GFRA1: variants seen among roughly 807,000 people sequenced by gnomAD.
The protein encoded by GFRA1 is GDNF family receptor alpha 1.
In GFRA1, 16 loss-of-function variants were observed where a neutral mutation model predicts 51.6. The ratio of observed to expected loss-of-function variants is 0.31; its 90% confidence interval spans 0.21 to 0.47. The LOEUF is 0.47. Among genes scored for constraint, GFRA1 ranks in the 20% least tolerant of loss-of-function variants. The probability of loss-of-function intolerance (pLI) is 1.00; values close to 1 mark genes in which losing one functional copy is unlikely to be tolerated. For synonymous variants in GFRA1, 270 were observed against 241.3 expected (o/e 1.12, Z -1.10); for missense variants, 530 against 594.3 (o/e 0.89, Z 1.13).
chr10:116,064,836 CCT>C (rs1299660905), intron 10 of GFRA1, among the ~76,000 whole-genome samples: 1 of 152,142 alleles, frequency 6.6e-6, no homozygotes, highest in African/African-American at 2.4e-5. Flanking sequence ...TTCAGGTACC[CCT>C]GTCATTCTTT....
intron 5 of GFRA1, among the ~76,000 whole-genome samples, chr10:116,187,911 C>A (rs908365693): frequency 6.6e-6 from 1 of 152,126 alleles, no homozygotes; most frequent in Non-Finnish European, 1.5e-5. Context: ...GCATTCTTCA[C>A]CCCTCCCCAC....
chr10:116,228,088 G>A (rs2134543297), intron 4 of GFRA1, among the ~76,000 whole-genome samples: 1 of 152,282 alleles, frequency 6.6e-6, no homozygotes, highest in East Asian at 1.9e-4. Context: ...AGAACTGGCT[G>A]GAACATGGCT....
At chr10:116,273,040 T>G (rs1844075458) in intron 1 of GFRA1, 123 bp downstream of exon 1, 1 of 151,168 alleles carries the variant, frequency 6.6e-6, no homozygotes, top group African/African-American at 2.4e-5. Context: ...GGCCCTAAAG[T>G]TGGGAGACGC....
rs556151505 is a variant in GFRA1, at chr10:116,225,375, A to G, written c.419-13730T>C. ...CAAGGTGAAACACTGTCTCTACTAA[A>G]AACACAAAAATTAGCTGGGTGTGGT... On this transcript the variant is annotated intron_variant, in intron 4 of 10. Transcript: ENST00000355422. Among the ~76,000 whole-genome samples, 120 of 151,588 alleles carry G rather than the reference A, an allele frequency of 7.9e-4. 1 individual carries two copies. The highest frequency in any genetic ancestry group is 1.2e-3 in the Non-Finnish European group (81 of 67,892).
chr10:116,099,965 C>T (rs895818552), intron 6 of GFRA1, among the ~76,000 whole-genome samples: 12 of 152,098 alleles, frequency 7.9e-5, no homozygotes, highest in African/African-American at 2.9e-4. Flanking sequence ...GAAACCAAGG[C>T]TTAGTGAGGT....
At chr10:116,132,197 G>T (rs756895148) in intron 5 of GFRA1, among the ~76,000 whole-genome samples, 1 of 152,086 alleles carries the variant, frequency 6.6e-6, no homozygotes, top group Non-Finnish European at 1.5e-5. Flanking sequence ...TGACAAGAGC[G>T]AAAGTGTGTC....
chr10:116,271,234 CTCTGGGAGCGG>C, intron 2 of GFRA1, 119 bp from the exon 3 acceptor site: 1 of 764,102 alleles, frequency 1.3e-6, no homozygotes. Context: ...GGGCGCCCTG[CTCTGGGAGCGG>C]GTCCACCTCT....
chr10:116,109,188 T>C (rs1227470734), intron 6 of GFRA1, among the ~76,000 whole-genome samples: 2 of 152,142 alleles, frequency 1.3e-5, no homozygotes, highest in African/African-American at 4.8e-5. Flanking sequence ...CCCAAAGTCA[T>C]GGAGCAGGCC....
intron 4 of GFRA1, among the ~76,000 whole-genome samples, chr10:116,267,949 A>G (rs1331398929): frequency 3.1e-5 from 3 of 97,404 alleles, no homozygotes; most frequent in African/African-American, 9.4e-5. Context: ...TAACACACAC[A>G]CACACACACA....
chr10:116,170,557 C>G (rs1198099721), intron 5 of GFRA1, among the ~76,000 whole-genome samples: 2 of 152,040 alleles, frequency 1.3e-5, no homozygotes, highest in Non-Finnish European at 2.9e-5. Context: ...CTCCATTTTC[C>G]CCTCTAAGCA....
chr10:116,232,088 C>A (rs114580587), intron 4 of GFRA1, among the ~76,000 whole-genome samples: 2,406 of 152,292 alleles, frequency 0.016, 74 homozygotes, highest in African/African-American at 0.056. Flanking sequence ...AACAAAAAAT[C>A]TGATAATTCA....
chr10:116,149,846 A>G (rs977845981), intron 5 of GFRA1, among the ~76,000 whole-genome samples: 1 of 152,290 alleles, frequency 6.6e-6, no homozygotes, highest in Non-Finnish European at 1.5e-5. Context: ...CAAGACCACT[A>G]TTATTTTAAA....
Position 116,105,978 on chromosome 10 carries a change from G to A in GFRA1, c.771-9214C>T, listed in dbSNP as rs544928643. ...GATCTTGAGGTAGGGAGAGTATCCCGGATTTTCCCGGTAGGACCAATAGAA... is the reference window on the plus strand; with the variant it reads ...GATCTTGAGGTAGGGAGAGTATCCCAGATTTTCCCGGTAGGACCAATAGAA... On this transcript the variant is annotated intron_variant, in intron 6 of 10. Transcript: ENST00000355422. Among the ~76,000 whole-genome samples, 8 of 152,260 alleles carry A rather than the reference G, an allele frequency of 5.3e-5. No individual in the cohort carries two copies. The East Asian group carries it at 1.2e-3, about 22-fold the overall frequency.
intron 5 of GFRA1, among the ~76,000 whole-genome samples, chr10:116,164,692 ACGGAATT>A (rs2134192989): frequency 6.6e-6 from 1 of 152,278 alleles, no homozygotes; most frequent in East Asian, 1.9e-4. Flanking sequence ...GGACTACTTG[ACGGAATT>A]CTTACTGTTA....
intron 4 of GFRA1, among the ~76,000 whole-genome samples, chr10:116,253,289 T>A (rs1457083506): frequency 6.6e-6 from 1 of 152,152 alleles, no homozygotes; most frequent in East Asian, 1.9e-4. Context: ...GTGAGTCCAG[T>A]CAGCCAGGGC....
chr10:116,200,652 C>T (rs1964257432), intron 5 of GFRA1, among the ~76,000 whole-genome samples: 1 of 152,100 alleles, frequency 6.6e-6, no homozygotes, highest in South Asian at 2.1e-4. Context: ...CTCTTCCTGG[C>T]TTGCAGATGG....
intron 4 of GFRA1, among the ~76,000 whole-genome samples, chr10:116,236,214 GGGGGAC>G (rs1256621530): frequency 3.3e-5 from 5 of 152,116 alleles, no homozygotes; most frequent in African/African-American, 1.2e-4. Flanking sequence ...TGGTGCCCAA[GGGGGAC>G]CTGCACTCCC....
At chr10:116,094,071 G>A (rs938799291) in intron 7 of GFRA1, among the ~76,000 whole-genome samples, 1 of 152,164 alleles carries the variant, frequency 6.6e-6, no homozygotes, top group Non-Finnish European at 1.5e-5. Context: ...GCTGCACTTA[G>A]GGTATTCCTT....
chr10:116,118,845 G>A (rs1263541839), intron 6 of GFRA1, among the ~76,000 whole-genome samples: 4 of 152,196 alleles, frequency 2.6e-5, no homozygotes, highest in Non-Finnish European at 4.4e-5. Context: ...TGAGGAAAAC[G>A]AGGCAGAGAC....
Sources: gnomAD v4.1 joint callset for allele counts (sites outside exome capture counted in the v4.1 genomes callset) on GRCh38, gnomAD v4.1.1 for gene constraint, MANE v1.5 for transcripts, NCBI Gene and HGNC (gene_info 2026-07-23, HGNC 2026-07-21) for gene names.